The following LY75 variants were observed in gnomAD, a reference collection of about 807,000 sequenced individuals.
LY75 encodes C-type lectin domain family 13 member B.
LY75 carries 185 observed loss-of-function variants against 231.7 expected under a neutral mutation model. The observed-to-expected ratio is 0.80, with a 90% CI of 0.71 to 0.90. The LOEUF is 0.90. Among genes scored for constraint, LY75 ranks in the 40% least tolerant of loss-of-function variants. LY75 has a pLI of 0.00. For missense variants in LY75, 1,947 were observed against 2,050.2 expected (o/e 0.95, Z 0.97); for synonymous variants, 668 against 689.0 (o/e 0.97, Z 0.48).
intron 1 of LY75, 48 bp from the exon 2 acceptor site, chr2:159,899,107 T>C: frequency 1.3e-6 from 2 of 1,575,276 alleles, no homozygotes; most frequent in Non-Finnish European, 1.7e-6. Flanking sequence ...TTGAAGCGCC[T>C]TGCTCCCTGC....
rs190041300 is a variant in LY75, at chr2:159,817,346, G to A, written c.4154-314C>T. Among the ~76,000 whole-genome samples the A allele has an allele frequency of 1.2e-4, 18 of 152,334 alleles. 1 individual carries two copies. Among genetic ancestry groups the A allele is most frequent in the Admixed American group, 8.5e-4 (13 of 15,296 alleles). ...CAGTAGGGTATGTGAAATTGGTAGA[G>A]ATTCATTTGAATGAGAAGAGTCAGG... is the stretch of plus-strand genomic sequence containing the variant. On this transcript the variant is annotated intron_variant, in intron 29 of 34. Transcript: ENST00000263636.
At chr2:159,863,473 C>A (rs1684772830) in intron 14 of LY75, among the ~76,000 whole-genome samples, 1 of 152,054 alleles carries the variant, frequency 6.6e-6, no homozygotes, top group Admixed American at 6.6e-5. Context: ...TATCTTTTGT[C>A]TTTTTTATAA....
At chr2:159,831,592 T>G (rs1350238685) in intron 28 of LY75, 78 bp downstream of exon 28, 1 of 1,480,364 alleles carries the variant, frequency 6.8e-7, no homozygotes, top group African/African-American at 1.4e-5. Flanking sequence ...ACATGTACTT[T>G]GAAGAACTAT....
At chr2:159,825,890 CTTCGACAAAA>C (rs1290818748) in intron 28 of LY75, among the ~76,000 whole-genome samples, 2 of 152,126 alleles carry the variant, frequency 1.3e-5, no homozygotes, top group African/African-American at 4.8e-5. Flanking sequence ...CAGAAAAGGC[CTTCGACAAAA>C]TTCAACACCC....
Position 159,819,933 on chromosome 2 carries a change from C to A in LY75, c.3959-13G>T, listed in dbSNP as rs778703314. ...ATAAGAGACTTATCTAGAGAAGAAA[C>A]ATTTTTTCCTATGCTTAGAGATTAA... On this transcript the variant is annotated splice_polypyrimidine_tract_variant and intron_variant, in intron 28 of 34. Coordinates refer to ENST00000263636, the MANE Select transcript of LY75 (RefSeq NM_002349.4). The A allele has an allele frequency of 6.7e-7, 1 of 1,486,192 alleles. No homozygotes were observed. The highest frequency in any genetic ancestry group is 2.5e-5 in the East Asian group (1 of 40,328). 92.1% of individuals were successfully genotyped at this position (1,486,192 alleles called of 1,614,324 possible).
intron 3 of LY75, among the ~76,000 whole-genome samples, chr2:159,891,541 A>T (rs1685757108): frequency 6.6e-6 from 1 of 152,188 alleles, no homozygotes; most frequent in Non-Finnish European, 1.5e-5. Context: ...ATGATTTAGC[A>T]GCCCTCAGGT....
At chr2:159,884,123 A>G (rs1443347721) in intron 6 of LY75, among the ~76,000 whole-genome samples, 1 of 152,140 alleles carries the variant, frequency 6.6e-6, no homozygotes. Context: ...TTTCCTTCAC[A>G]AGCTCTCTTT....
At position 159,872,593 on chromosome 2, in the gene LY75, C is replaced by G. The variant is rs374238541; in HGVS notation, c.1975G>C (p.Val659Leu). 1 of 1,610,020 alleles carries G rather than the reference C, an allele frequency of 6.2e-7. No individual in the cohort carries two copies. The highest frequency in any genetic ancestry group is 8.5e-7 in the Non-Finnish European group (1 of 1,178,884). Residue 659 changes from valine (V) to leucine (L), a missense_variant and splice_region_variant, in exon 13 of 35, where the codon GTA becomes CTA. By Grantham distance (32) the Val-to-Leu change is conservative. Coordinates refer to ENST00000263636, the MANE Select transcript of LY75 (RefSeq NM_002349.4). ...CTTACAATTCTTTCTGCATGGAATA[C>G]CTTAGCAAAATATAATATTAATTTG... ...SFPASLSCYKVFHAERIVRKR... is the reference protein window; with the variant it reads ...SFPASLSCYKLFHAERIVRKR...
intron 23 of LY75, among the ~76,000 whole-genome samples, chr2:159,846,520 A>G (rs1391740232): frequency 6.6e-6 from 1 of 152,160 alleles, no homozygotes; most frequent in African/African-American, 2.4e-5. Context: ...CCTGTGTCAG[A>G]AAAAACAACA....
chr2:159,807,855 A>C (rs1682833652), intron 33 of LY75: 1 of 983,860 alleles, frequency 1.0e-6, no homozygotes, highest in Non-Finnish European at 1.2e-6. Flanking sequence ...ACTATTTCGT[A>C]TTAAAAAATC....
chr2:159,880,451 C>G (rs190808333), intron 8 of LY75, among the ~76,000 whole-genome samples: 2 of 152,188 alleles, frequency 1.3e-5, no homozygotes, highest in East Asian at 3.9e-4. Context: ...GGCTATCTGC[C>G]GAATATCACA....
At chr2:159,904,482 C>A in intron 1 of LY75, 107 bp downstream of exon 1, 1 of 1,244,346 alleles carries the variant, frequency 8.0e-7, no homozygotes. Context: ...AACAGCAAAG[C>A]AGCCGTGACC....
intron 8 of LY75, among the ~76,000 whole-genome samples, 162 bp downstream of exon 8, chr2:159,880,921 C>T (rs569186261): frequency 6.6e-6 from 1 of 152,204 alleles, no homozygotes; most frequent in Non-Finnish European, 1.5e-5. Context: ...TGCTGTGCGG[C>T]CCAATTCTTA....
intron 31 of LY75, chr2:159,813,842 T>C (rs1259372195): frequency 6.6e-6 from 1 of 152,236 alleles, no homozygotes; most frequent in East Asian, 1.9e-4. Context: ...CTTATCATTC[T>C]CTATCCTATA....
rs1399486589 is a variant in LY75, at chr2:159,805,085, C to T, written c.5128G>A (p.Val1710Met). The change falls in exon 35 of 35, where the codon GTG becomes ATG. Residue 1710 changes from valine (V) to methionine (M), a missense_variant. Coordinates refer to ENST00000263636, the MANE Select transcript of LY75 (RefSeq NM_002349.4). ...GGAAGCATAATCTCATCTTCATTCA[C>T]TCCTTGTGCATATCGAACTGATGAG... ...GFSSVRYAQG[V>M]NEDEIMLPSF... is the part of the protein sequence containing the mutation. 1 of 1,614,136 alleles carries T rather than the reference C, an allele frequency of 6.2e-7. No individual in the cohort carries two copies. The highest frequency in any genetic ancestry group is 1.1e-5 in the South Asian group (1 of 91,082).
At chr2:159,835,075 C>T in intron 26 of LY75, among the ~76,000 whole-genome samples, 1 of 152,128 alleles carries the variant, frequency 6.6e-6, no homozygotes, top group East Asian at 1.9e-4. Context: ...CTAAATTTCC[C>T]CTTGTCTTAA....
chr2:159,858,285 G>A, intron 16 of LY75, 77 bp downstream of exon 16: 4 of 1,516,212 alleles, frequency 2.6e-6, no homozygotes, highest in Non-Finnish European at 2.7e-6. Flanking sequence ...AGATCAAAAT[G>A]CTCCCCTAGC....
In LY75 at chr2:159,805,184, G is replaced by C; in HGVS notation, c.5029C>G (p.Leu1677Val). The change falls in exon 35 of 35, where the codon CTA (leucine) becomes GTA (valine). Residue 1677 changes from leucine to valine, a missense_variant. By Grantham distance (32) the Leu-to-Val change is conservative. Transcript: ENST00000263636. ...CCGCCCATGAGAACTAAGATACTTA[G>C]TGTGGCAACTATGATAGCTATTGCT... is the stretch of plus-strand genomic sequence containing the variant. ...YTAIAIIVAT[L>V]SILVLMGGLI... The C allele has an allele frequency of 6.2e-7, 1 of 1,614,162 alleles. No individual in the cohort carries two copies. Among genetic ancestry groups the C allele is most frequent in the South Asian group, 1.1e-5 (1 of 91,080 alleles).
At position 159,854,423 on chromosome 2, in the gene LY75, G is replaced by A. The variant is rs116391174; in HGVS notation, c.2532C>T (p.His844=). ...AAGATGTTATAGTTGCAAGAAAGCT[G>A]TGATTGCTGGCACAGTACAGGACGG... The part of the protein sequence containing the change: ...EEAVLYCASN[H]SFLATITSFV... The change falls in exon 18 of 35, where the codon CAC becomes CAT. Residue 844 remains histidine (H), a synonymous_variant. Coordinates refer to ENST00000263636, the MANE Select transcript of LY75 (RefSeq NM_002349.4). 1,786 of 1,566,092 alleles carry A rather than the reference G, an allele frequency of 1.1e-3. 11 individuals are homozygous for A. The Middle Eastern group carries it at 0.032, about 28-fold the overall frequency.
Sources: allele counts gnomAD v4.1 joint callset (sites outside exome capture counted in the v4.1 genomes callset), GRCh38; gene constraint gnomAD v4.1.1; transcripts MANE v1.5; gene names NCBI Gene and HGNC (gene_info 2026-07-23, HGNC 2026-07-21).